The following SPNS3 variants were observed in gnomAD, a reference collection of about 807,000 sequenced individuals.
SPNS3 encodes protein spinster homolog 3.
SPNS3 carries 51 observed loss-of-function variants against 54.4 expected under a neutral mutation model. That is an observed-to-expected ratio of 0.94 (90% confidence interval 0.75 to 1.18). The LOEUF (loss-of-function observed/expected upper bound fraction) is 1.18. Ranked by LOEUF, SPNS3 falls within the 50% of genes most tolerant of loss-of-function variation. The probability of loss-of-function intolerance (pLI) is 0.00; values close to 1 mark genes in which losing one functional copy is unlikely to be tolerated. For missense variants in SPNS3, 669 were observed against 677.4 expected (o/e 0.99, Z 0.14); for synonymous variants, 309 against 294.7 (o/e 1.05, Z -0.50).
intron 9 of SPNS3, among the ~76,000 whole-genome samples, chr17:4,478,977 T>G (rs1373555018): frequency 6.6e-6 from 1 of 152,126 alleles, no homozygotes; most frequent in African/African-American, 2.4e-5. Flanking sequence ...AGTTTCACTC[T>G]TGTTGCCCAG....
intron 7 of SPNS3, among the ~76,000 whole-genome samples, chr17:4,450,250 C>T (rs1157173564): frequency 6.6e-6 from 1 of 151,598 alleles, no homozygotes; most frequent in Non-Finnish European, 1.5e-5. Flanking sequence ...CTTCCCTCCT[C>T]CTCCTCCTTC....
chr17:4,484,352 G>A (rs1972253066), intron 9 of SPNS3, among the ~76,000 whole-genome samples: 1 of 152,168 alleles, frequency 6.6e-6, no homozygotes, highest in South Asian at 2.1e-4. Context: ...ACAGGATCTT[G>A]CTCTTTCACT....
At chr17:4,478,667 A>C in intron 9 of SPNS3, 30 bp downstream of exon 9, 1 of 1,568,424 alleles carries the variant, frequency 6.4e-7, no homozygotes, top group Non-Finnish European at 8.7e-7. Context: ...TGGTGGGCTG[A>C]GCAGGGGGAG....
At chr17:4,457,463 A>G (rs1971344972) in intron 8 of SPNS3, among the ~76,000 whole-genome samples, 1 of 152,248 alleles carries the variant, frequency 6.6e-6, no homozygotes, top group Non-Finnish European at 1.5e-5. Flanking sequence ...TTCATAGTGC[A>G]CTGATCCAGA....
At chr17:4,455,747 AG>A (rs1971294975) in intron 8 of SPNS3, among the ~76,000 whole-genome samples, 1 of 152,152 alleles carries the variant, frequency 6.6e-6, no homozygotes, top group Admixed American at 6.5e-5. Flanking sequence ...TGGGGGAGTC[AG>A]GGCCCAGGGT....
intron 3 of SPNS3, 99 bp from the exon 4 acceptor site, chr17:4,445,949 G>A (rs774826626): frequency 7.2e-7 from 1 of 1,392,068 alleles, no homozygotes; most frequent in Non-Finnish European, 9.8e-7. Context: ...CTGGGGTCCT[G>A]TGTCATGAGG....
At position 4,434,051 on chromosome 17, in the gene SPNS3, T is replaced by TCC. The variant is rs781170565; in HGVS notation, c.88_89dup (p.Pro31LeufsTer28). On this transcript the variant is annotated frameshift_variant, in exon 1 of 12. Coordinates refer to ENST00000355530, the MANE Select transcript of SPNS3 (RefSeq NM_182538.5). LOFTEE classifies it high-confidence loss of function. ...AGTCCCCAGGGCCAGGCAGGCAGTGTCCCCCTCCCATCACGCCCACCTCCT... is the reference window on the plus strand; with the variant it reads ...AGTCCCCAGGGCCAGGCAGGCAGTGTCCCCCCCTCCCATCACGCCCACCTCCT... 6.2e-7 allele frequency: 1 copy of TCC among 1,609,354 alleles called. No individual in the cohort carries two copies. Among genetic ancestry groups the TCC allele is most frequent in the Non-Finnish European group, 8.5e-7 (1 of 1,177,990 alleles).
At chr17:4,461,822 T>C (rs754743208) in intron 8 of SPNS3, among the ~76,000 whole-genome samples, 14 of 151,988 alleles carry the variant, frequency 9.2e-5, no homozygotes, top group Non-Finnish European at 1.5e-4. Flanking sequence ...AGCAAGTGTT[T>C]TGGGGAAGGT....
At chr17:4,482,634 T>A in intron 9 of SPNS3, 1 of 152,206 alleles carries the variant, frequency 6.6e-6, no homozygotes, top group East Asian at 1.9e-4. Context: ...AAGACCCACC[T>A]CTGCCAGCCT....
At chr17:4,441,983 A>AGT (rs373836833) in intron 2 of SPNS3, among the ~76,000 whole-genome samples, 20,237 of 139,018 alleles carry the variant, frequency 0.15, 1,571 homozygotes, top group Non-Finnish European at 0.19. Context: ...CGGAGGGAGA[A>AGT]GTGTGTGTGT....
intron 8 of SPNS3, among the ~76,000 whole-genome samples, chr17:4,462,836 TTCAACCACGCACCCACCCACCCAC>T (rs1971571278): frequency 9.9e-5 from 4 of 40,390 alleles, no homozygotes; most frequent in Admixed American, 2.8e-4. Flanking sequence ...CATCCATCCA[TTCAACCACGCACCCACCCACCCAC>T]CCACCCACCA....
At chr17:4,469,488 G>A (rs969451065) in intron 8 of SPNS3, among the ~76,000 whole-genome samples, 1 of 152,068 alleles carries the variant, frequency 6.6e-6, no homozygotes, top group Non-Finnish European at 1.5e-5. Context: ...GGGTGACGGT[G>A]GGTGCCTGCA....
At chr17:4,441,800 G>GA (rs200255908) in intron 2 of SPNS3, among the ~76,000 whole-genome samples, 3 of 90,566 alleles carry the variant, frequency 3.3e-5, no homozygotes, top group Non-Finnish European at 7.7e-5. Context: ...GGGGTGTGTT[G>GA]GGGGGGGTCT....
chr17:4,483,228 G>A lies in SPNS3; in HGVS notation c.1180-3000G>A, dbSNP rs1972220244. On this transcript the variant is annotated intron_variant, in intron 9 of 11. Coordinates refer to ENST00000355530, the MANE Select transcript of SPNS3 (RefSeq NM_182538.5). The surrounding 1 kb of genome is among the most constrained non-coding windows in gnomAD (Gnocchi z 4.2). ...CCGACTTGCTGCAAGCCCTTGGGTG[G>A]CCCTGGTTTCGCCCTCGGCTATAAA... Among the ~76,000 whole-genome samples, 1 of 152,196 alleles carries A rather than the reference G, an allele frequency of 6.6e-6. No individual in the cohort carries two copies. The highest frequency in any genetic ancestry group is 1.9e-4 in the East Asian group (1 of 5,198).
intron 8 of SPNS3, among the ~76,000 whole-genome samples, chr17:4,463,738 GAAAA>G (rs113125706): frequency 1.0e-5 from 1 of 97,164 alleles, no homozygotes; most frequent in Non-Finnish European, 2.2e-5. Flanking sequence ...ACTCCATCTC[GAAAA>G]AAAAAAAAAA....
At position 4,483,455 on chromosome 17, in the gene SPNS3, T is replaced by C; in HGVS notation, c.1180-2773T>C. The C allele has an allele frequency of 6.6e-6, 1 of 152,164 alleles. No individual in the cohort carries two copies. The highest frequency in any genetic ancestry group is 1.9e-4 in the East Asian group (1 of 5,200). 9.4% of individuals were successfully genotyped at this position (152,164 alleles called of 1,614,324 possible). The stretch of plus-strand genomic sequence containing the variant: ...GAACAGGCTGGGGGAGACCCACCTC[T>C]CTCGCCACTGGCAGCAGTGACTGAG... On this transcript the variant is annotated intron_variant, in intron 9 of 11. Transcript: ENST00000355530. The surrounding 1 kb of genome is among the most constrained non-coding windows in gnomAD (Gnocchi z 4.2).
intron 8 of SPNS3, among the ~76,000 whole-genome samples, chr17:4,471,801 G>C (rs117070722): frequency 0.055 from 8,360 of 151,850 alleles, 287 homozygotes; most frequent in Middle Eastern, 0.13. Flanking sequence ...TTTATAGCTT[G>C]AAGCCAATAT....
chr17:4,452,975 C>A, intron 7 of SPNS3, 41 bp from the exon 8 acceptor site: 1 of 1,584,712 alleles, frequency 6.3e-7, no homozygotes, highest in Non-Finnish European at 8.6e-7. Flanking sequence ...CTATGCTAAG[C>A]TCACCCAGCT....
In SPNS3 at chr17:4,434,167, G is replaced by A. The variant is rs773309382; in HGVS notation, c.199+1G>A. 1 of 1,607,200 alleles carries A rather than the reference G, an allele frequency of 6.2e-7. No homozygotes were observed. The highest frequency in any genetic ancestry group is 8.5e-7 in the Non-Finnish European group (1 of 1,176,506). ...TACATGAACTGGTTCATCATTGCAG[G>A]TGAGGAGGGGATGGCTACCCTGGGC... is the stretch of plus-strand genomic sequence containing the variant. On this transcript the variant is annotated splice_donor_variant, in intron 1 of 11. Transcript: ENST00000355530. LOFTEE classifies it high-confidence loss of function.
Sources: allele counts gnomAD v4.1 joint callset (sites outside exome capture counted in the v4.1 genomes callset), GRCh38; gene constraint gnomAD v4.1.1; non-coding constraint Gnocchi (gnomAD v3.1); transcripts MANE v1.5; gene names NCBI Gene and HGNC (gene_info 2026-07-23, HGNC 2026-07-21).